CADM2: variants seen among roughly 807,000 people sequenced by gnomAD.
CADM2 encodes the protein immunoglobulin superfamily member 4D.
Under a neutral mutation model 49.8 loss-of-function variants are expected in CADM2, and 12 were observed. The observed-to-expected ratio is 0.24, with a 90% CI of 0.15 to 0.39. The LOEUF (loss-of-function observed/expected upper bound fraction) is 0.39. Among genes scored for constraint, CADM2 ranks in the 10% least tolerant of loss-of-function variants. The pLI is 1.00. For synonymous variants in CADM2, 214 were observed against 175.4 expected, an observed-to-expected ratio of 1.22 and a Z score of -1.74; for missense variants, 378 against 492.3, an observed-to-expected ratio of 0.77 and a Z score of 2.20.
At chr3:85,905,348 A>G (rs1293875551) in intron 5 of CADM2, among the ~76,000 whole-genome samples, 6 of 152,306 alleles carry the variant, frequency 3.9e-5, no homozygotes, top group South Asian at 4.1e-4. Context: ...CAATACAGAA[A>G]CTGATGGGAG....
At chr3:85,414,649 A>G (rs1328391113) in intron 1 of CADM2, among the ~76,000 whole-genome samples, 1 of 152,114 alleles carries the variant, frequency 6.6e-6, no homozygotes, top group African/African-American at 2.4e-5. Flanking sequence ...GAAACTTTCA[A>G]TTTAAATTCT....
At chr3:85,587,193 G>A (rs1485894693) in intron 1 of CADM2, among the ~76,000 whole-genome samples, 1 of 152,068 alleles carries the variant, frequency 6.6e-6, no homozygotes, top group Non-Finnish European at 1.5e-5. Flanking sequence ...GAATGGGTCA[G>A]TAGAAGTTGC....
chr3:85,379,169 T>C (rs1358977872), intron 1 of CADM2, among the ~76,000 whole-genome samples: 1 of 151,976 alleles, frequency 6.6e-6, no homozygotes, highest in African/African-American at 2.4e-5. Context: ...ATTACCATTG[T>C]AAACTCATTT....
chr3:85,272,367 A>G (rs911144707), intron 1 of CADM2, among the ~76,000 whole-genome samples: 5 of 151,246 alleles, frequency 3.3e-5, no homozygotes, highest in Non-Finnish European at 5.9e-5. Context: ...GATGAAAAAG[A>G]AGTATGTTAT....
chr3:85,254,815 G>A (rs189773451), intron 1 of CADM2, among the ~76,000 whole-genome samples: 155 of 152,080 alleles, frequency 1.0e-3, no homozygotes, highest in Non-Finnish European at 1.4e-3. Flanking sequence ...TTTTGGTTGA[G>A]GGATGTTTCC....
intron 1 of CADM2, among the ~76,000 whole-genome samples, chr3:85,723,998 T>A (rs2067598651): frequency 1.3e-5 from 2 of 151,808 alleles, no homozygotes; most frequent in South Asian, 4.1e-4. Context: ...TTTAGCATAA[T>A]CTAAAAATAA....
intron 7 of CADM2, among the ~76,000 whole-genome samples, chr3:85,942,323 T>G (rs1040837338): frequency 1.2e-4 from 2 of 17,008 alleles, no homozygotes; most frequent in Non-Finnish European, 1.7e-4. Flanking sequence ...TGCCAAATTG[T>G]TTTTTTTTGT....
At chr3:85,058,516 C>T (rs1351664033) in intron 1 of CADM2, among the ~76,000 whole-genome samples, 1 of 151,998 alleles carries the variant, frequency 6.6e-6, no homozygotes, top group Non-Finnish European at 1.5e-5. Context: ...ACTATCTTGG[C>T]TCACCACACC....
chr3:86,032,234 A>G (rs1734641352), intron 8 of CADM2, among the ~76,000 whole-genome samples: 1 of 151,838 alleles, frequency 6.6e-6, no homozygotes, highest in Non-Finnish European at 1.5e-5. Flanking sequence ...TTTGAGATAT[A>G]CAATGCCTTG....
At chr3:86,057,090 A>G (rs1314182705) in intron 8 of CADM2, among the ~76,000 whole-genome samples, 2 of 152,184 alleles carry the variant, frequency 1.3e-5, no homozygotes, top group African/African-American at 4.8e-5. Flanking sequence ...TATCTCTTAG[A>G]TAGTATTCTT....
chr3:85,170,143 C>T (rs932197943), intron 1 of CADM2, among the ~76,000 whole-genome samples: 2 of 152,128 alleles, frequency 1.3e-5, no homozygotes, highest in Non-Finnish European at 1.5e-5. Context: ...ATTCAGCTGT[C>T]CTCTGCTATT....
intron 8 of CADM2, among the ~76,000 whole-genome samples, chr3:86,052,436 A>G (rs1160111680): frequency 6.6e-6 from 1 of 152,148 alleles, no homozygotes; most frequent in Non-Finnish European, 1.5e-5. Context: ...GCACAGTTGA[A>G]ATGACTGTAG....
intron 1 of CADM2, among the ~76,000 whole-genome samples, chr3:85,266,040 A>G (rs2043114975): frequency 6.6e-6 from 1 of 151,884 alleles, no homozygotes; most frequent in Admixed American, 6.6e-5. Context: ...GGTTTGAAAG[A>G]AAATAGTCTC....
At chr3:85,745,261 G>C (rs987381514) in intron 2 of CADM2, among the ~76,000 whole-genome samples, 1 of 152,000 alleles carries the variant, frequency 6.6e-6, no homozygotes, top group Non-Finnish European at 1.5e-5. Flanking sequence ...AATTGAAGTT[G>C]TTAAAAATAA....
At chr3:86,008,865 C>T in intron 8 of CADM2, among the ~76,000 whole-genome samples, 1 of 151,726 alleles carries the variant, frequency 6.6e-6, no homozygotes, top group East Asian at 1.9e-4. Flanking sequence ...GGATTATCAT[C>T]TATAAAAGTT....
chr3:85,679,577 A>G (rs1326176568), intron 1 of CADM2, among the ~76,000 whole-genome samples: 2 of 152,172 alleles, frequency 1.3e-5, no homozygotes, highest in African/African-American at 4.8e-5. Flanking sequence ...TTTCCTAAGA[A>G]TCCAATTTCT....
intron 8 of CADM2, among the ~76,000 whole-genome samples, chr3:86,060,016 C>T (rs758305845): frequency 1.3e-5 from 2 of 151,928 alleles, no homozygotes; most frequent in Non-Finnish European, 2.9e-5. Flanking sequence ...TTTACTTTGT[C>T]AATGAAATGA....
intron 1 of CADM2, among the ~76,000 whole-genome samples, chr3:85,624,037 T>C (rs752889881): frequency 2.0e-5 from 3 of 152,132 alleles, no homozygotes; most frequent in Non-Finnish European, 4.4e-5. Context: ...CCAAATACTT[T>C]AAAATAAAAT....
chr3:85,820,323 C>A (rs2073476602), intron 3 of CADM2, among the ~76,000 whole-genome samples: 1 of 152,076 alleles, frequency 6.6e-6, no homozygotes, highest in Admixed American at 6.6e-5. Context: ...CACAGTAACA[C>A]TCAGGCTGTT....
Sources: allele counts gnomAD v4.1 joint callset (sites outside exome capture counted in the v4.1 genomes callset), GRCh38; gene constraint gnomAD v4.1.1; transcripts MANE v1.5; gene names NCBI Gene and HGNC (gene_info 2026-07-23, HGNC 2026-07-21).